Variants in CALN1 observed in about 807,000 individuals in gnomAD.
The protein encoded by CALN1 is calcium-binding protein 8.
In CALN1, 17 loss-of-function variants were observed where a neutral mutation model predicts 30.6. The observed-to-expected ratio is 0.56, with a 90% CI of 0.38 to 0.83. The LOEUF is 0.83. Among genes scored for constraint, CALN1 ranks in the 40% least tolerant of loss-of-function variants. CALN1 has a pLI of 0.00. For synonymous variants in CALN1, 156 were observed against 131.4 expected, an observed-to-expected ratio of 1.19 and a Z score of -1.28; for missense variants, 291 against 354.9, an observed-to-expected ratio of 0.82 and a Z score of 1.45.
chr7:72,026,073 T>C (rs1801032658), intron 4 of CALN1, among the ~76,000 whole-genome samples: 1 of 152,192 alleles, frequency 6.6e-6, no homozygotes, highest in South Asian at 2.1e-4. Context: ...AATTTCACTC[T>C]TGCTGGTAAT....
intron 1 of CALN1, among the ~76,000 whole-genome samples, chr7:72,404,231 C>A (rs1023192470): frequency 6.6e-6 from 1 of 152,196 alleles, no homozygotes; most frequent in Non-Finnish European, 1.5e-5. Context: ...TGTCCACAAT[C>A]TCCATCCCCT....
chr7:72,007,249 TC>T (rs1799820694), intron 5 of CALN1, among the ~76,000 whole-genome samples: 1 of 152,214 alleles, frequency 6.6e-6, no homozygotes, highest in Non-Finnish European at 1.5e-5. Flanking sequence ...GCTTGCAACT[TC>T]TTAAAGAACT....
chr7:71,968,594 C>A (rs1446112107), intron 5 of CALN1, among the ~76,000 whole-genome samples: 2 of 152,176 alleles, frequency 1.3e-5, no homozygotes, highest in Admixed American at 6.5e-5. Flanking sequence ...GCTGGCCAGG[C>A]TGGTATTGAA....
At chr7:72,120,150 G>T (rs550727091) in intron 3 of CALN1, among the ~76,000 whole-genome samples, 1 of 151,358 alleles carries the variant, frequency 6.6e-6, no homozygotes, top group African/African-American at 2.4e-5. Flanking sequence ...TCTCCAACAC[G>T]TATTTTTCAA....
At chr7:71,876,354 G>A (rs891971550) in intron 5 of CALN1, among the ~76,000 whole-genome samples, 3 of 152,118 alleles carry the variant, frequency 2.0e-5, no homozygotes, top group African/African-American at 4.8e-5. Flanking sequence ...GTCACTCCTC[G>A]TGTGTTGGCC....
intron 6 of CALN1, among the ~76,000 whole-genome samples, chr7:71,802,868 C>CA (rs1205228298): frequency 1.3e-5 from 2 of 151,280 alleles, no homozygotes; most frequent in Non-Finnish European, 2.9e-5. Context: ...ACTAAAAATA[C>CA]AAAAATTAGC....
At chr7:72,129,533 A>G (rs2129542715) in intron 3 of CALN1, among the ~76,000 whole-genome samples, 1 of 152,278 alleles carries the variant, frequency 6.6e-6, no homozygotes, top group African/African-American at 2.4e-5. Flanking sequence ...TAGGAGTGAT[A>G]TTGGTTCTGT....
At chr7:72,089,693 AG>A (rs2129539641) in intron 4 of CALN1, among the ~76,000 whole-genome samples, 1 of 152,314 alleles carries the variant, frequency 6.6e-6, no homozygotes, top group African/African-American at 2.4e-5. Context: ...AAAAATCAAC[AG>A]GACTCAAAAG....
At chr7:72,213,064 G>GA (rs1049742832) in intron 3 of CALN1, among the ~76,000 whole-genome samples, 27 of 152,160 alleles carry the variant, frequency 1.8e-4, no homozygotes, top group African/African-American at 6.5e-4. Flanking sequence ...ACCTGCTGAC[G>GA]AATTTCTGCT....
At chr7:71,863,557 C>CAAAAAAAAA (rs71531769) in intron 5 of CALN1, among the ~76,000 whole-genome samples, 14 of 32,194 alleles carry the variant, frequency 4.3e-4, no homozygotes, top group East Asian at 1.6e-3. Flanking sequence ...AACTCCATCT[C>CAAAAAAAAA]AAAAAAAAAA....
intron 4 of CALN1, among the ~76,000 whole-genome samples, chr7:72,063,623 A>T (rs987885414): frequency 6.6e-6 from 1 of 152,228 alleles, no homozygotes; most frequent in Non-Finnish European, 1.5e-5. Flanking sequence ...GGCAGCTGAA[A>T]AAAGCAAAAC....
chr7:71,947,763 A>AG (rs1796479857), intron 5 of CALN1, among the ~76,000 whole-genome samples: 1 of 152,028 alleles, frequency 6.6e-6, no homozygotes, highest in African/African-American at 2.4e-5. Flanking sequence ...CAACATGGTG[A>AG]AACCCTGCCT....
Position 72,054,534 on chromosome 7 carries a change from T to TATATATAC in CALN1, c.389-30766_389-30765insGTATATAT, listed in dbSNP as rs1563015940. Among the ~76,000 whole-genome samples, 697 of 118,514 alleles carry TATATATAC rather than the reference T, an allele frequency of 5.9e-3. 21 individuals are homozygous for TATATATAC. The highest frequency in any genetic ancestry group is 0.02 in the African/African-American group (632 of 31,618). The allele number at this position is 118,514 out of a possible 152,430, so 77.7% of individuals were successfully genotyped here. A position where few individuals can be genotyped will look rare whatever the true frequency, so the allele number is the denominator to read the frequency against. On this transcript the variant is annotated intron_variant, in intron 4 of 6. Transcript: ENST00000395275. ...ACATATATATACATATATACATACA[T>TATATATAC]ATATATATACATATATATATATATA...
chr7:71,945,758 ATGTGTAATTACACGT>A (rs1181085139), intron 5 of CALN1, among the ~76,000 whole-genome samples: 3 of 152,174 alleles, frequency 2.0e-5, no homozygotes, highest in Admixed American at 1.3e-4. Context: ...ATTCTACATG[ATGTGTAATTACACGT>A]TGTGTAATTA....
intron 5 of CALN1, among the ~76,000 whole-genome samples, chr7:71,945,343 A>G (rs1796351857): frequency 6.6e-6 from 1 of 152,200 alleles, no homozygotes. Context: ...ATGGGCTAAG[A>G]CATTAAGTCA....
chr7:72,197,750 G>C (rs1791135882), intron 3 of CALN1, among the ~76,000 whole-genome samples: 1 of 152,160 alleles, frequency 6.6e-6, no homozygotes, highest in African/African-American at 2.4e-5. Context: ...TTGCTACCTG[G>C]GAGGCTGAGG....
At position 71,790,368 on chromosome 7, in the gene CALN1, A is replaced by AAAC. The variant is rs1470378217; in HGVS notation, c.659-2467_659-2466insGTT. On this transcript the variant is annotated intron_variant, in intron 6 of 6. Coordinates refer to ENST00000395275, the MANE Select transcript of CALN1 (RefSeq NM_031468.4). Reference sequence around the variant, plus strand: ...AAAGAAAAGAAAGAAAGAAAGAAAGAAAAGAAAGAAAGAAAGAAAGAAAGA... The same window carrying AAAC: ...AAAGAAAAGAAAGAAAGAAAGAAAGAAACAAAGAAAGAAAGAAAGAAAGAAAGA... Among the ~76,000 whole-genome samples the AAAC allele has an allele frequency of 3.2e-5, 4 of 123,798 alleles. No homozygotes were observed. The South Asian group carries it at 1.1e-3, about 35-fold the overall frequency. The allele number at this position is 123,798 out of a possible 152,430, so 81.2% of individuals were successfully genotyped here. A position where few individuals can be genotyped will look rare whatever the true frequency, so the allele number is the denominator to read the frequency against.
chr7:72,320,123 G>A (rs995537247), intron 2 of CALN1, among the ~76,000 whole-genome samples: 2 of 151,968 alleles, frequency 1.3e-5, no homozygotes, highest in Non-Finnish European at 2.9e-5. Flanking sequence ...GACACAGCGA[G>A]ACTCCATCTC....
chr7:72,307,551 G>A (rs1404421361), intron 2 of CALN1, among the ~76,000 whole-genome samples: 3 of 152,196 alleles, frequency 2.0e-5, no homozygotes, highest in African/African-American at 2.4e-5. Flanking sequence ...ACAGCCTGTG[G>A]CCTCGCAAAG....
Sources: gnomAD v4.1 joint callset for allele counts (sites outside exome capture counted in the v4.1 genomes callset) on GRCh38, gnomAD v4.1.1 for gene constraint, MANE v1.5 for transcripts, NCBI Gene and HGNC (gene_info 2026-07-23, HGNC 2026-07-21) for gene names.